TBC1D5: variants seen among roughly 807,000 people sequenced by gnomAD.
TBC1D5 encodes the protein TBC1 domain family member 5.
A neutral mutation model predicts 100.3 loss-of-function variants in TBC1D5; 75 were observed. The observed-to-expected ratio is 0.75, with a 90% CI of 0.62 to 0.91. TBC1D5 has a LOEUF of 0.91. Ranked by LOEUF, TBC1D5 falls within the 40% of genes least tolerant of loss-of-function variation. TBC1D5 has a pLI of 0.00. For missense variants in TBC1D5, 910 were observed against 942.4 expected, an observed-to-expected ratio of 0.97 and a Z score of 0.45; for synonymous variants, 323 against 325.6, an observed-to-expected ratio of 0.99 and a Z score of 0.09.
At chr3:17,618,580 T>C (rs2062384787) in intron 2 of TBC1D5, among the ~76,000 whole-genome samples, 1 of 152,206 alleles carries the variant, frequency 6.6e-6, no homozygotes, top group African/African-American at 2.4e-5. Flanking sequence ...CCCGGCTGCT[T>C]TGTTTTCCTA....
chr3:17,616,564 G>A (rs1243383429), intron 2 of TBC1D5, among the ~76,000 whole-genome samples: 2 of 152,082 alleles, frequency 1.3e-5, no homozygotes, highest in African/African-American at 4.8e-5. Context: ...TTTTGAAACT[G>A]GGTGCTCCTG....
At chr3:17,715,963 G>C (rs192180637) in intron 1 of TBC1D5, among the ~76,000 whole-genome samples, 1 of 152,020 alleles carries the variant, frequency 6.6e-6, no homozygotes. Context: ...GAGGCTGAAC[G>C]ATCACTTGAA....
Position 17,218,608 on chromosome 3 carries a change from C to A in TBC1D5, c.1589-4238G>T, listed in dbSNP as rs114724739. 5.8e-3 allele frequency among the ~76,000 whole-genome samples: 884 copies of A among 151,998 alleles called. 8 individuals are homozygous for A. The highest frequency in any genetic ancestry group is 0.02 in the African/African-American group (819 of 41,528). Reference sequence around the variant, plus strand: ...AGGGAAGGTTTACTAGTATTGAATACTCTCAGTTTCTATTTATCTGTAATT... The same window carrying A: ...AGGGAAGGTTTACTAGTATTGAATAATCTCAGTTTCTATTTATCTGTAATT... On this transcript the variant is annotated intron_variant, in intron 17 of 21. Coordinates refer to ENST00000253692, the Ensembl canonical transcript of TBC1D5.
At chr3:17,692,734 C>T (rs747851225) in intron 1 of TBC1D5, among the ~76,000 whole-genome samples, 1 of 152,218 alleles carries the variant, frequency 6.6e-6, no homozygotes, top group South Asian at 2.1e-4. Flanking sequence ...TTTACTTCTT[C>T]ACAGACCAGT....
At chr3:17,455,298 ATG>A (rs2095040846) in intron 3 of TBC1D5, among the ~76,000 whole-genome samples, 2 of 146,478 alleles carry the variant, frequency 1.4e-5, no homozygotes, top group Non-Finnish European at 3.0e-5. Flanking sequence ...GTATATATGT[ATG>A]TATATATGTA....
chr3:17,215,665 G>C (rs565944371), intron 17 of TBC1D5, among the ~76,000 whole-genome samples: 1 of 152,208 alleles, frequency 6.6e-6, no homozygotes, highest in African/African-American at 2.4e-5. Flanking sequence ...CAATGGAGAA[G>C]GGATAGAGAG....
chr3:17,358,531 T>C (rs931108266), intron 13 of TBC1D5, among the ~76,000 whole-genome samples: 2 of 152,114 alleles, frequency 1.3e-5, no homozygotes, highest in African/African-American at 4.8e-5. Context: ...GTCCCTCCCA[T>C]TGACATAATT....
At chr3:17,511,875 A>C (rs778396076) in intron 2 of TBC1D5, among the ~76,000 whole-genome samples, 6 of 152,052 alleles carry the variant, frequency 3.9e-5, no homozygotes, top group Non-Finnish European at 5.9e-5. Flanking sequence ...AAACCAGCTA[A>C]CTAGTAATAA....
chr3:17,424,100 T>G (rs1247076565), intron 4 of TBC1D5, among the ~76,000 whole-genome samples: 3 of 152,222 alleles, frequency 2.0e-5, no homozygotes, highest in Non-Finnish European at 4.4e-5. Flanking sequence ...TGTCAACTTT[T>G]GAGGAAAGTT....
chr3:17,468,822 T>C (rs1261454531), intron 3 of TBC1D5, among the ~76,000 whole-genome samples: 1 of 152,208 alleles, frequency 6.6e-6, no homozygotes, highest in Non-Finnish European at 1.5e-5. Context: ...CTATTATCAA[T>C]GGGAGACAGA....
intron 15 of TBC1D5, among the ~76,000 whole-genome samples, chr3:17,272,622 G>A (rs562067924): frequency 6.6e-6 from 1 of 152,268 alleles, no homozygotes; most frequent in Admixed American, 6.5e-5. Flanking sequence ...GGAATAATTA[G>A]TAGTTTGGCC....
At chr3:17,206,747 G>C (rs143320563) in intron 18 of TBC1D5, among the ~76,000 whole-genome samples, 5 of 152,184 alleles carry the variant, frequency 3.3e-5, no homozygotes, top group African/African-American at 1.2e-4. Flanking sequence ...TTGATTTCCT[G>C]TGGTTTAGAG....
chr3:17,430,106 A>G (rs1243321471), intron 3 of TBC1D5, among the ~76,000 whole-genome samples: 1 of 151,756 alleles, frequency 6.6e-6, no homozygotes, highest in Non-Finnish European at 1.5e-5. Context: ...TCTTTTAAAA[A>G]TTAATAATAT....
intron 2 of TBC1D5, among the ~76,000 whole-genome samples, chr3:17,609,838 T>C (rs1300923110): frequency 6.6e-6 from 1 of 152,200 alleles, no homozygotes; most frequent in Non-Finnish European, 1.5e-5. Flanking sequence ...AAACTAGGAC[T>C]GAAGAAGAAA....
chr3:17,327,688 C>G (rs898484705), intron 13 of TBC1D5, among the ~76,000 whole-genome samples: 2 of 152,068 alleles, frequency 1.3e-5, no homozygotes, highest in African/African-American at 4.8e-5. Flanking sequence ...AGATCCCTTC[C>G]CTATTTATTT....
chr3:17,454,340 T>A (rs774346683), intron 3 of TBC1D5, among the ~76,000 whole-genome samples: 5 of 152,172 alleles, frequency 3.3e-5, no homozygotes, highest in Non-Finnish European at 7.4e-5. Flanking sequence ...TATCCTTGTT[T>A]GCAAATGATA....
intron 2 of TBC1D5, among the ~76,000 whole-genome samples, chr3:17,588,053 A>G (rs755085130): frequency 1.3e-5 from 2 of 152,088 alleles, no homozygotes; most frequent in Non-Finnish European, 2.9e-5. Context: ...TAACGGTAAC[A>G]AGAAAAAGTA....
In TBC1D5 at chr3:17,463,927, C is replaced by T. The variant is rs545052053; in HGVS notation, c.98-35408G>A. Among the ~76,000 whole-genome samples the T allele has an allele frequency of 1.1e-3, 156 of 144,234 alleles. 1 individual carries two copies. The highest frequency in any genetic ancestry group is 3.7e-3 in the African/African-American group (147 of 39,230). The allele number at this position is 144,234 out of a possible 152,430, so 94.6% of individuals were successfully genotyped here. A position where few individuals can be genotyped will look rare whatever the true frequency, so the allele number is the denominator to read the frequency against. On this transcript the variant is annotated intron_variant, in intron 3 of 21. Coordinates refer to ENST00000253692, the Ensembl canonical transcript of TBC1D5. Reference sequence around the variant, plus strand: ...ATATTTCTCACGTTCCCAATCAATACTAGCATTCCTTATTCCTTTTTTTTT... The same window carrying T: ...ATATTTCTCACGTTCCCAATCAATATTAGCATTCCTTATTCCTTTTTTTTT...
At chr3:17,259,585 C>T (rs1450469636) in intron 15 of TBC1D5, among the ~76,000 whole-genome samples, 1 of 152,086 alleles carries the variant, frequency 6.6e-6, no homozygotes, top group Non-Finnish European at 1.5e-5. Flanking sequence ...AAGGCATGCA[C>T]TTCCTTTGAG....
Sources: gnomAD v4.1 joint callset for allele counts (sites outside exome capture counted in the v4.1 genomes callset) on GRCh38, gnomAD v4.1.1 for gene constraint, MANE v1.5 for transcripts, NCBI Gene and HGNC (gene_info 2026-07-23, HGNC 2026-07-21) for gene names.